CHODL: variants seen among roughly 807,000 people sequenced by gnomAD.
CHODL encodes the protein transmembrane protein MT75.
CHODL carries 29 observed loss-of-function variants against 34.5 expected under a neutral mutation model. The ratio of observed to expected loss-of-function variants is 0.84; its 90% CI spans 0.63 to 1.15. The LOEUF is 1.15. Ranked by LOEUF, CHODL falls within the 50% of genes most tolerant of loss-of-function variation. CHODL has a pLI of 0.00. For synonymous variants in CHODL, 125 were observed against 116.1 expected (o/e 1.08, Z -0.49); for missense variants, 332 against 332.5 (o/e 1.00, Z 0.01).
chr21:18,172,786 A>G (rs1024431133), intron 2 of CHODL, among the ~76,000 whole-genome samples: 37 of 152,136 alleles, frequency 2.4e-4, no homozygotes, highest in Non-Finnish European at 5.1e-4. Flanking sequence ...ACTTAAAACA[A>G]CACCCATTTA....
chr21:18,064,518 A>AACTG (rs1283718170), intron 2 of CHODL, among the ~76,000 whole-genome samples: 1 of 152,170 alleles, frequency 6.6e-6, no homozygotes, highest in Non-Finnish European at 1.5e-5. Context: ...GATTGCTTTG[A>AACTG]ACTGGGACAT....
chr21:17,923,462 GTTTT>G (rs71318108), intron 1 of CHODL, among the ~76,000 whole-genome samples: 1 of 130,662 alleles, frequency 7.7e-6, no homozygotes, highest in Non-Finnish European at 1.6e-5. Context: ...TAATTCTTCA[GTTTT>G]TTTTTTTTTT....
chr21:18,048,017 C>T (rs551689905), intron 2 of CHODL, among the ~76,000 whole-genome samples: 13 of 152,064 alleles, frequency 8.5e-5, no homozygotes, highest in African/African-American at 3.1e-4. Context: ...ACATTTTCCA[C>T]TTACCCATTC....
At chr21:18,004,105 ATAAAG>A (rs1388084831) in intron 1 of CHODL, among the ~76,000 whole-genome samples, 1 of 152,222 alleles carries the variant, frequency 6.6e-6, no homozygotes, top group African/African-American at 2.4e-5. Flanking sequence ...ACAATAATTA[ATAAAG>A]TAAAAATTTT....
intron 2 of CHODL, among the ~76,000 whole-genome samples, chr21:18,085,884 T>A (rs2146521262): frequency 6.6e-6 from 1 of 152,264 alleles, no homozygotes; most frequent in South Asian, 2.1e-4. Context: ...CTTCTATGTC[T>A]GGATTTCTGA....
chr21:18,069,539 A>AATATATATATATAT (rs71318122), intron 2 of CHODL, among the ~76,000 whole-genome samples: 1 of 147,450 alleles, frequency 6.8e-6, no homozygotes, highest in African/African-American at 2.5e-5. Context: ...ATATATGTGG[A>AATATATATATATAT]ATATATATAT....
At chr21:18,198,794 A>G (rs1354493920) in intron 2 of CHODL, among the ~76,000 whole-genome samples, 1 of 152,168 alleles carries the variant, frequency 6.6e-6, no homozygotes, top group Non-Finnish European at 1.5e-5. Context: ...AGGAAAAGTT[A>G]CATTCTGTGG....
intron 2 of CHODL, among the ~76,000 whole-genome samples, chr21:18,038,183 A>C (rs2064333199): frequency 6.6e-6 from 1 of 151,752 alleles, no homozygotes; most frequent in Non-Finnish European, 1.5e-5. Flanking sequence ...AAATGACATT[A>C]AAATGGAGAA....
intron 1 of CHODL, among the ~76,000 whole-genome samples, chr21:18,005,129 G>C (rs2063947964): frequency 6.6e-6 from 1 of 152,220 alleles, no homozygotes; most frequent in Non-Finnish European, 1.5e-5. Context: ...TCATAACAGA[G>C]TAGTTAAGAG....
chr21:18,206,320 A>G (rs2073711324), intron 2 of CHODL, among the ~76,000 whole-genome samples: 1 of 152,200 alleles, frequency 6.6e-6, no homozygotes, highest in African/African-American at 2.4e-5. Flanking sequence ...ATACTGCAGT[A>G]GTAGGTACAT....
intron 2 of CHODL, among the ~76,000 whole-genome samples, chr21:18,094,659 A>G (rs1173530723): frequency 6.6e-6 from 1 of 152,032 alleles, no homozygotes; most frequent in Non-Finnish European, 1.5e-5. Context: ...GTAACAAATT[A>G]TAATGGAAAC....
chr21:17,922,300 C>T (rs1568799166), intron 1 of CHODL, among the ~76,000 whole-genome samples: 1 of 152,120 alleles, frequency 6.6e-6, no homozygotes, highest in Non-Finnish European at 1.5e-5. Context: ...TCTCCTGTCT[C>T]CTGTTGGCTA....
At chr21:18,101,475 C>A (rs2065212485) in intron 2 of CHODL, among the ~76,000 whole-genome samples, 1 of 152,058 alleles carries the variant, frequency 6.6e-6, no homozygotes, top group Non-Finnish European at 1.5e-5. Flanking sequence ...TTATTCCTAT[C>A]CTTAAGTCAG....
chr21:18,033,787 C>G (rs1445556418), intron 2 of CHODL, among the ~76,000 whole-genome samples: 2 of 151,898 alleles, frequency 1.3e-5, no homozygotes, highest in African/African-American at 4.8e-5. Flanking sequence ...ATTAAAATAC[C>G]TGGGAAAGAA....
chr21:18,107,186 T>C (rs76817643), intron 2 of CHODL, among the ~76,000 whole-genome samples: 5,889 of 152,256 alleles, frequency 0.039, 366 homozygotes, highest in African/African-American at 0.13. Flanking sequence ...AGGGATCAGA[T>C]ATGAAGTTTG....
chr21:17,918,848 A>G (rs1385376934), intron 1 of CHODL, among the ~76,000 whole-genome samples: 4 of 152,218 alleles, frequency 2.6e-5, no homozygotes, highest in Non-Finnish European at 5.9e-5. Context: ...CCTAGATACA[A>G]TGGCGGTACA....
intron 2 of CHODL, among the ~76,000 whole-genome samples, chr21:18,184,076 T>G (rs774386612): frequency 1.3e-5 from 2 of 152,226 alleles, no homozygotes; most frequent in Non-Finnish European, 1.5e-5. Context: ...TGAAATTAGT[T>G]TACTCTTTCT....
chr21:18,092,409 C>T lies in CHODL; in HGVS notation c.-45+64438C>T, dbSNP rs114549628. Among the ~76,000 whole-genome samples the T allele has an allele frequency of 2.0e-3, 307 of 152,312 alleles. 1 individual carries two copies. Among genetic ancestry groups the T allele is most frequent in the African/African-American group, 7.0e-3 (290 of 41,560 alleles). On this transcript the variant is annotated intron_variant, in intron 2 of 6. Coordinates refer to the CHODL transcript ENST00000400127. The stretch of plus-strand genomic sequence containing the variant: ...AGACTACCATAAATAGCTAACTCTT[C>T]AATACCCAGACAATGAAGAATATAT...
At chr21:18,215,641 T>A (rs1040664651) in intron 2 of CHODL, among the ~76,000 whole-genome samples, 3 of 152,214 alleles carry the variant, frequency 2.0e-5, no homozygotes, top group African/African-American at 4.8e-5. Context: ...ATATTTAGCT[T>A]GTCCTTAAGT....
Sources: allele counts gnomAD v4.1 joint callset (sites outside exome capture counted in the v4.1 genomes callset), GRCh38; gene constraint gnomAD v4.1.1; transcripts MANE v1.5; gene names NCBI Gene and HGNC (gene_info 2026-07-23, HGNC 2026-07-21).